PDXDC1: variants seen among roughly 807,000 people sequenced by gnomAD.
PDXDC1 encodes pyridoxal-dependent decarboxylase domain-containing protein 1.
Under a neutral mutation model 100.1 loss-of-function variants are expected in PDXDC1, and 42 were observed. The ratio of observed to expected loss-of-function variants is 0.42; its 90% CI spans 0.33 to 0.54. The LOEUF (loss-of-function observed/expected upper bound fraction) is 0.54, where lower values mean the gene tolerates loss of function less well. Among genes scored for constraint, PDXDC1 ranks in the 20% least tolerant of loss-of-function variants. The pLI is 0.10. For missense variants in PDXDC1, 636 were observed against 979.2 expected (o/e 0.65, Z 4.68); for synonymous variants, 260 against 371.7 (o/e 0.70, Z 3.46).
At position 15,097,468 on chromosome 16, in the gene PDXDC1, C is replaced by CAAAAAAAAAA. The variant is rs71152407; in HGVS notation, c.1400-41396_1400-41387dup. Among the ~76,000 whole-genome samples the CAAAAAAAAAA allele has an allele frequency of 7.9e-3, 508 of 64,224 alleles. 2 individuals carry two copies. The highest frequency in any genetic ancestry group is 0.021 in the Middle Eastern group (2 of 94). The allele number at this position is 64,224 out of a possible 152,430, so 42.1% of individuals were successfully genotyped here. ...TGAAACCCCGTCTCTACTAAAAATA[C>CAAAAAAAAAA]AAAAAAAAAAAAAAAAAAAAAAAAT... On this transcript the variant is annotated intron_variant, in intron 16 of 16. Coordinates refer to the PDXDC1 transcript ENST00000535621.
downstream of PDXDC1, among the ~76,000 whole-genome samples, chr16:15,039,707 T>C (rs1485037238): frequency 6.6e-6 from 1 of 152,134 alleles, no homozygotes; most frequent in East Asian, 1.9e-4. Context: ...AGAAGTTTGT[T>C]CTCTTTGAAT....
intron 1 of PDXDC1, among the ~76,000 whole-genome samples, chr16:14,981,212 G>C (rs1418751606): frequency 6.6e-6 from 1 of 152,286 alleles, no homozygotes; most frequent in African/African-American, 2.4e-5. Context: ...TTTACTTTAC[G>C]AGTGTGCCTC....
downstream of PDXDC1, among the ~76,000 whole-genome samples, chr16:15,140,118 A>AG (rs2048443825): frequency 1.4e-5 from 2 of 144,384 alleles, no homozygotes; most frequent in Admixed American, 7.0e-5. Context: ...AAAAAAAAAA[A>AG]GAAAAGAAAG....
intron 16 of PDXDC1, chr16:15,136,228 C>G: frequency 1.6e-6 from 1 of 634,752 alleles, no homozygotes; most frequent in Non-Finnish European, 2.7e-6. Context: ...GTCCCCCTTT[C>G]CAGATGGGGA....
chr16:15,044,407 C>G (rs2043958370), intron 16 of PDXDC1: 5 of 1,611,532 alleles, frequency 3.1e-6, no homozygotes, highest in Non-Finnish European at 4.2e-6. Context: ...GTACTTCCAG[C>G]CTGGCAAAGA....
rs112269735 is a variant in PDXDC1 at position 15,033,202 on chromosome 16, T to C, written c.1691-76T>C. The stretch of plus-strand genomic sequence containing the variant: ...ACCCCTTTGTGTGTGGTCAGGACCC[T>C]GAACAGGAGAGTAGGTCCACGTCTC... On this transcript the variant is annotated intron_variant, in intron 18 of 22. Transcript: ENST00000396410. The C allele has an allele frequency of 8.4e-6, 13 of 1,543,414 alleles. 2 individuals are homozygous for C. The African/African-American group carries it at 1.4e-4, about 16-fold the overall frequency.
At chr16:15,117,346 G>C (rs1428429394) in intron 16 of PDXDC1, among the ~76,000 whole-genome samples, 6 of 128,372 alleles carry the variant, frequency 4.7e-5, no homozygotes, top group Admixed American at 2.6e-4. Context: ...ACTTTCCAAA[G>C]TTAGTAAACT....
intron 16 of PDXDC1, among the ~76,000 whole-genome samples, chr16:15,081,909 A>C (rs2045720523): frequency 6.6e-6 from 1 of 152,150 alleles, no homozygotes; most frequent in Non-Finnish European, 1.5e-5. Context: ...TGTTGAAATG[A>C]CTATTCTCCC....
At chr16:15,093,459 T>C (rs983142382) in intron 16 of PDXDC1, among the ~76,000 whole-genome samples, 3 of 152,216 alleles carry the variant, frequency 2.0e-5, no homozygotes, top group African/African-American at 7.2e-5. Flanking sequence ...TGTACTGCCT[T>C]TCCCCCCTAT....
At chr16:15,081,622 G>C (rs1384801492) in intron 16 of PDXDC1, among the ~76,000 whole-genome samples, 2 of 152,100 alleles carry the variant, frequency 1.3e-5, no homozygotes, top group Non-Finnish European at 2.9e-5. Flanking sequence ...CCCATTATTT[G>C]GGGATCCTTT....
At chr16:15,071,374 T>C (rs546382630) in intron 16 of PDXDC1, 3 of 903,254 alleles carry the variant, frequency 3.3e-6, no homozygotes, top group Admixed American at 2.5e-5. Flanking sequence ...AACTATCTCA[T>C]GGGCTTCATT....
intron 16 of PDXDC1, among the ~76,000 whole-genome samples, chr16:15,132,364 CAAGGGGAGGGAGGGGGAGGGGAGGGGT>C (rs1236987386): frequency 4.5e-4 from 5 of 11,002 alleles, no homozygotes; most frequent in African/African-American, 9.2e-4. Flanking sequence ...GGGGGAGGGG[CAAGGGGAGGGAGGGGGAGGGGAGGGGT>C]TAGGGGAGGG....
Position 14,975,134 on chromosome 16 carries a change from A to C in PDXDC1, c.-66A>C. 2 of 1,470,256 alleles carry C rather than the reference A, an allele frequency of 1.4e-6. No homozygotes were observed. Among genetic ancestry groups the C allele is most frequent in the Non-Finnish European group, 1.8e-6 (2 of 1,121,088 alleles). 91.1% of individuals were successfully genotyped at this position (1,470,256 alleles called of 1,614,324 possible). A position where few individuals can be genotyped will look rare whatever the true frequency, so the allele number is the denominator to read the frequency against. ...ACGTCAGCGCTGCCAGCGTGGAAGG[A>C]GCTGCGGGGCGCGGGAGGAGGAAGT... On this transcript the variant is annotated 5_prime_UTR_variant, in exon 1 of 23. Coordinates refer to ENST00000396410, the MANE Select transcript of PDXDC1 (RefSeq NM_015027.4).
intron 4 of PDXDC1, among the ~76,000 whole-genome samples, chr16:15,002,513 T>C (rs1237379414): frequency 6.6e-6 from 1 of 152,302 alleles, no homozygotes; most frequent in Non-Finnish European, 1.5e-5. Flanking sequence ...CTTTCTCCTT[T>C]GTCAGAGCTA....
At chr16:15,043,863 G>C (rs761666922) in intron 16 of PDXDC1, among the ~76,000 whole-genome samples, 1 of 152,014 alleles carries the variant, frequency 6.6e-6, no homozygotes, top group Non-Finnish European at 1.5e-5. Context: ...CAAGAGAATT[G>C]CTTGAACCCA....
chr16:15,020,567 T>C (rs1335087106), intron 12 of PDXDC1, among the ~76,000 whole-genome samples: 1 of 152,272 alleles, frequency 6.6e-6, no homozygotes, highest in South Asian at 2.1e-4. Context: ...CGGGTGCCTG[T>C]AGTCCCAGCT....
At chr16:15,129,159 G>A (rs1458519302) in intron 16 of PDXDC1, among the ~76,000 whole-genome samples, 2 of 151,986 alleles carry the variant, frequency 1.3e-5, no homozygotes, top group South Asian at 2.1e-4. Context: ...GAAGATAAAA[G>A]CAGCACGGAA....
chr16:15,130,468 G>T, intron 16 of PDXDC1: 1 of 1,413,726 alleles, frequency 7.1e-7, no homozygotes. Flanking sequence ...GGCAGGGAAG[G>T]GGCAGTGGAC....
At chr16:15,020,326 T>C (rs1411806822) in intron 12 of PDXDC1, among the ~76,000 whole-genome samples, 4 of 152,274 alleles carry the variant, frequency 2.6e-5, no homozygotes, top group African/African-American at 4.8e-5. Context: ...GTTATGCACG[T>C]GGGTTGAAAT....
Sources: gnomAD v4.1 joint callset for allele counts (sites outside exome capture counted in the v4.1 genomes callset) on GRCh38, gnomAD v4.1.1 for gene constraint, MANE v1.5 for transcripts, NCBI Gene and HGNC (gene_info 2026-07-23, HGNC 2026-07-21) for gene names.